Variants in DDX3X observed in about 807,000 individuals in gnomAD.
DDX3X encodes the protein DEAD-box helicase 3 X-linked.
In DDX3X, 4 loss-of-function variants were observed where a neutral mutation model predicts 52.7. The ratio of observed to expected loss-of-function variants is 0.08; its 90% CI spans 0.04 to 0.17. DDX3X has a LOEUF of 0.17. Ranked by LOEUF, DDX3X falls within the 10% of genes least tolerant of loss-of-function variation. The pLI, the probability that DDX3X is intolerant of heterozygous loss-of-function variation, is 1.00. For missense variants in DDX3X, 222 were observed against 548.6 expected (o/e 0.40, Z 5.95); for synonymous variants, 192 against 178.1 (o/e 1.08, Z -0.62).
At chrX:41,355,813 A>G (rs1226265149) in intron 5 of DDX3X, among the ~76,000 whole-genome samples, 1 of 109,783 alleles carries the variant, frequency 9.1e-6, no homozygotes, top group Non-Finnish European at 1.9e-5. Flanking sequence ...TGGCTGCTCT[A>G]ATTGGTGTAA....
chrX:41,347,841 CT>C lies in DDX3X; in HGVS notation c.*123del. On this transcript the variant is annotated 3_prime_UTR_variant, in exon 17 of 17. Coordinates refer to ENST00000644876, the MANE Select transcript of DDX3X (RefSeq NM_001356.5). ...GTACATTACCAGCTGTGATTCTCCA[CT>C]GAAATTTTTTTTTTAAGGGAGCTCA... is the stretch of plus-strand genomic sequence containing the variant. The C allele has an allele frequency of 4.1e-6, 2 of 483,859 alleles. No homozygotes were observed. The highest frequency in any genetic ancestry group is 7.9e-5 in the South Asian group (2 of 25,161). 39.9% of individuals were successfully genotyped at this position (483,859 alleles called of 1,213,427 possible). A position where few individuals can be genotyped will look rare whatever the true frequency, so the allele number is the denominator to read the frequency against.
At chrX:41,353,818 A>C (rs2063998566), downstream of DDX3X, among the ~76,000 whole-genome samples, 1 of 109,290 alleles carries the variant, frequency 9.1e-6, no homozygotes, top group South Asian at 3.9e-4. Context: ...ACACACACAC[A>C]CACACACACA....
At chrX:41,334,096 T>C, upstream of DDX3X, 1 of 496,524 alleles carries the variant, frequency 2.0e-6, no homozygotes, top group Non-Finnish European at 3.5e-6. Flanking sequence ...AGGGCACACG[T>C]TGTACGTGCT....
Position 41,343,727 on chromosome X carries a change from T to G in DDX3X, c.680-10T>G. 1 of 1,205,690 alleles carries G rather than the reference T, an allele frequency of 8.3e-7. No homozygotes were observed. ...TAATGAGCAGGATTTGTTTGTTTGT[T>G]TTTGAACAGGGTCTGGAAAAACTGC... is the stretch of plus-strand genomic sequence containing the variant. On this transcript the variant is annotated splice_polypyrimidine_tract_variant and intron_variant, in intron 7 of 16. Transcript: ENST00000644876.
intron 3 of DDX3X, chrX:41,340,876 T>C (rs899642211): frequency 2.4e-5 from 7 of 294,475 alleles, no homozygotes; most frequent in African/African-American, 8.2e-5. Context: ...TAAATTGTTA[T>C]GGTCACACAA....
rs5902274 is a variant in DDX3X at position 41,337,642 on chromosome X, CT to C, written c.103+193del. The C allele has an allele frequency of 0.3, 75,510 of 255,811 alleles. 4,564 individuals are homozygous for C. Among genetic ancestry groups the C allele is most frequent in the East Asian group, 0.51 (6,681 of 13,170 alleles). The allele number at this position is 255,811 out of a possible 1,213,427, so 21.1% of individuals were successfully genotyped here. ...AGTGATCAATCTAAAGCATCGTTGC[CT>C]TTTTTTTTTTTTTTTGGTTGAGATG... On this transcript the variant is annotated intron_variant, in intron 2 of 16. Transcript: ENST00000644876.
chrX:41,363,770 C>G (rs927795872), intron 5 of DDX3X, among the ~76,000 whole-genome samples: 3 of 105,645 alleles, frequency 2.8e-5, no homozygotes, highest in Non-Finnish European at 5.8e-5. Context: ...GCAACAAGAG[C>G]GAAACTCCGT....
At chrX:41,334,335 G>A (rs780297693) in intron 1 of DDX3X, 38 bp downstream of exon 1, 1 of 1,202,101 alleles carries the variant, frequency 8.3e-7, no homozygotes, top group Non-Finnish European at 1.1e-6. Context: ...GCTGCTGCGT[G>A]AATTCCTCCC....
At chrX:41,340,887 C>T (rs776992790) in intron 3 of DDX3X, 7 of 292,352 alleles carry the variant, frequency 2.4e-5, no homozygotes, top group African/African-American at 1.4e-4. Flanking sequence ...GGTCACACAA[C>T]GTCATAATGC....
At chrX:41,337,221 T>A (rs1050425388) in intron 1 of DDX3X, among the ~76,000 whole-genome samples, 187 bp from the exon 2 acceptor site, 1 of 112,621 alleles carries the variant, frequency 8.9e-6, no homozygotes, top group African/African-American at 3.2e-5. Context: ...AATATTGCAT[T>A]TGCTTAGAGC....
chrX:41,359,855 G>A (rs1267343448), intron 5 of DDX3X, among the ~76,000 whole-genome samples: 13 of 108,251 alleles, frequency 1.2e-4, no homozygotes, highest in African/African-American at 4.4e-4. Context: ...GGTGGCGGGT[G>A]CCTGTAGTCC....
At chrX:41,363,220 T>C (rs1470677232) in intron 5 of DDX3X, among the ~76,000 whole-genome samples, 1 of 105,582 alleles carries the variant, frequency 9.5e-6, no homozygotes, top group Non-Finnish European at 1.9e-5. Context: ...AGGTCAGGAG[T>C]TCAAGACCAG....
intron 5 of DDX3X, among the ~76,000 whole-genome samples, chrX:41,355,645 C>CTTTTTTT (rs36111286): frequency 9.3e-5 from 8 of 85,799 alleles, no homozygotes; most frequent in East Asian, 8.0e-4. Flanking sequence ...TTTTCTTTTT[C>CTTTTTTT]TTTTTTTTTT....
At chrX:41,334,545 C>A in intron 1 of DDX3X, 1 of 1,094,495 alleles carries the variant, frequency 9.1e-7, no homozygotes, top group Admixed American at 3.2e-5. Context: ...TGTGCGTGCG[C>A]AGGCGGGCGG....
intron 8 of DDX3X, 52 bp from the exon 9 acceptor site, chrX:41,343,978 A>G: frequency 1.9e-6 from 2 of 1,067,211 alleles, no homozygotes; most frequent in Non-Finnish European, 1.3e-6. Flanking sequence ...GTTGTGATGA[A>G]CTTTTCAAAC....
intron 5 of DDX3X, among the ~76,000 whole-genome samples, chrX:41,359,894 A>G (rs1188099174): frequency 9.1e-6 from 1 of 109,472 alleles, no homozygotes; most frequent in Non-Finnish European, 1.9e-5. Flanking sequence ...AGGCAGGAGA[A>G]TGGCGTGAAC....
chrX:41,347,770 A>G lies in DDX3X; in HGVS notation c.*51A>G, dbSNP rs972463796. On this transcript the variant is annotated 3_prime_UTR_variant, in exon 17 of 17. Coordinates refer to ENST00000644876, the MANE Select transcript of DDX3X (RefSeq NM_001356.5). Reference sequence around the variant, plus strand: ...CCAAACAAGCTAATATGGAAACCACATGTAACTTAGCCAGACTATACCTTG... The same window carrying G: ...CCAAACAAGCTAATATGGAAACCACGTGTAACTTAGCCAGACTATACCTTG... The G allele has an allele frequency of 1.2e-6, 1 of 849,882 alleles. No individual in the cohort carries two copies. Among genetic ancestry groups the G allele is most frequent in the South Asian group, 2.2e-5 (1 of 45,317 alleles). 70.0% of individuals were successfully genotyped at this position (849,882 alleles called of 1,213,427 possible).
intron 5 of DDX3X, among the ~76,000 whole-genome samples, chrX:41,359,738 C>T (rs933682840): frequency 7.6e-5 from 8 of 105,814 alleles, no homozygotes; most frequent in African/African-American, 2.1e-4. Flanking sequence ...TTTGGGAGGC[C>T]GAGGCAGGTG....
intron 4 of DDX3X, 128 bp downstream of exon 4, chrX:41,341,744 C>T: frequency 1.6e-6 from 1 of 616,415 alleles, no homozygotes. Context: ...CCGTAAGAGG[C>T]TTTTACTAAA....
Sources: allele counts gnomAD v4.1 joint callset (sites outside exome capture counted in the v4.1 genomes callset), GRCh38; gene constraint gnomAD v4.1.1; transcripts MANE v1.5; gene names NCBI Gene and HGNC (gene_info 2026-07-23, HGNC 2026-07-21).